The following CCDC122 variants were observed in gnomAD, a reference collection of about 807,000 sequenced individuals.
The protein encoded by CCDC122 is coiled-coil domain-containing protein 122.
In CCDC122, 38 loss-of-function variants were observed where a neutral mutation model predicts 37.0. That is an observed-to-expected ratio of 1.03 (90% CI 0.79 to 1.35). The LOEUF (loss-of-function observed/expected upper bound fraction) is 1.35. Among genes scored for constraint, CCDC122 ranks in the 40% most tolerant of loss-of-function variants. The probability of loss-of-function intolerance (pLI) is 0.00; values close to 1 mark genes in which losing one functional copy is unlikely to be tolerated. For synonymous variants in CCDC122, 83 were observed against 95.6 expected (o/e 0.87, Z 0.77); for missense variants, 305 against 310.0 (o/e 0.98, Z 0.12).
rs1954352183 is a variant in CCDC122, at chr13:43,868,711, C to A, written c.139G>T (p.Val47Phe). The A allele has an allele frequency of 6.4e-7, 1 of 1,550,612 alleles. No individual in the cohort carries two copies. The highest frequency in any genetic ancestry group is 1.2e-5 in the South Asian group (1 of 81,766). ...GAAGTTACCTTCAAATTGAACAGAACCTTTTTGTTTTTTTCTATCTCTGAT... is the reference window on the plus strand; with the variant it reads ...GAAGTTACCTTCAAATTGAACAGAAACTTTTTGTTTTTTTCTATCTCTGAT... Reference protein sequence around the residue: ...QASEIEKNKKVLFNLKNELHE... With the variant: ...QASEIEKNKKFLFNLKNELHE... The change falls in exon 4 of 7, where the codon GTT becomes TTT. Residue 47 changes from valine (V) to phenylalanine (F), a missense_variant. Transcript: ENST00000444614.
intron 6 of CCDC122, among the ~76,000 whole-genome samples, chr13:43,843,820 T>C (rs986701482): frequency 1.4e-4 from 6 of 43,756 alleles, no homozygotes; most frequent in Non-Finnish European, 2.4e-4. Context: ...TCTTGTGTTA[T>C]AGTATTTTTT....
intron 1 of CCDC122, chr13:43,878,055 CTCTCT>C (rs1264530855): frequency 6.6e-6 from 1 of 152,128 alleles, no homozygotes; most frequent in Admixed American, 6.5e-5. Context: ...ATATAACAAA[CTCTCT>C]TCCCTGACAA....
At chr13:43,864,884 CT>C (rs1328208076) in intron 4 of CCDC122, among the ~76,000 whole-genome samples, 1 of 152,154 alleles carries the variant, frequency 6.6e-6, no homozygotes, top group African/African-American at 2.4e-5. Context: ...AAGACTGAAA[CT>C]TTTAGCCCCA....
At chr13:43,861,221 A>C (rs1175580556) in intron 4 of CCDC122, among the ~76,000 whole-genome samples, 1 of 152,206 alleles carries the variant, frequency 6.6e-6, no homozygotes, top group Non-Finnish European at 1.5e-5. Flanking sequence ...TGATAATAAT[A>C]GATGCAGAAG....
In CCDC122 at chr13:43,863,760, A is replaced by G. The variant is rs1954188642; in HGVS notation, c.157-3690T>C. Among the ~76,000 whole-genome samples, 6 of 151,814 alleles carry G rather than the reference A, an allele frequency of 4.0e-5. No homozygotes were observed. In the South Asian group the frequency reaches 1.0e-3, roughly 26 times the overall value. ...AAGTATACTGTTAGATGTGTTTTCAAATATTCTCTCCTAGTCTGTGACAAC... is the reference window on the plus strand; with the variant it reads ...AAGTATACTGTTAGATGTGTTTTCAGATATTCTCTCCTAGTCTGTGACAAC... On this transcript the variant is annotated intron_variant, in intron 4 of 6. Transcript: ENST00000444614.
At chr13:43,825,091 T>G (rs1216159300) in intron 3 of CCDC122, among the ~76,000 whole-genome samples, 1 of 152,224 alleles carries the variant, frequency 6.6e-6, no homozygotes, top group Non-Finnish European at 1.5e-5. Context: ...AAAAGACCCT[T>G]GCACGGGTAT....
At chr13:43,846,363 T>C (rs533821124) in intron 6 of CCDC122, among the ~76,000 whole-genome samples, 6 of 152,342 alleles carry the variant, frequency 3.9e-5, no homozygotes, top group Middle Eastern at 3.4e-3. Context: ...CATGAGCCAC[T>C]GCGCCCGGCC....
intron 4 of CCDC122, among the ~76,000 whole-genome samples, chr13:43,866,956 G>A (rs574295892): frequency 6.6e-6 from 1 of 152,158 alleles, no homozygotes; most frequent in South Asian, 2.1e-4. Flanking sequence ...TGAACTACCA[G>A]TACCATCCTG....
At chr13:43,833,462 T>C (rs1313621017), downstream of CCDC122, among the ~76,000 whole-genome samples, 1 of 152,212 alleles carries the variant, frequency 6.6e-6, no homozygotes. Flanking sequence ...GACATTTTGC[T>C]GAGCCATTAA....
intron 3 of CCDC122, 87 bp downstream of exon 3, chr13:43,869,244 A>G: frequency 1.0e-6 from 1 of 968,556 alleles, no homozygotes; most frequent in East Asian, 2.4e-5. Context: ...CTAATTTGCT[A>G]TCAATTTTAA....
At chr13:43,858,027 T>C (rs1167268830) in intron 6 of CCDC122, 1 of 152,258 alleles carries the variant, frequency 6.6e-6, no homozygotes, top group African/African-American at 2.4e-5. Flanking sequence ...AATCGTTATT[T>C]AGATTCCTAG....
In CCDC122 at chr13:43,876,451, C is replaced by T. The variant is rs555170020; in HGVS notation, c.-199-1524G>A. Among the ~76,000 whole-genome samples, 5 of 152,322 alleles carry T rather than the reference C, an allele frequency of 3.3e-5. No homozygotes were observed. The East Asian group carries it at 9.6e-4, about 29-fold the overall frequency. On this transcript the variant is annotated intron_variant, in intron 1 of 6. Coordinates refer to ENST00000444614, the MANE Select transcript of CCDC122 (RefSeq NM_144974.5). ...ATCTCTGCCCTCAAAACACTCTAGG[C>T]AGAAAGACACACAGTCAATTAAAAT...
chr13:43,848,561 C>T (rs1953622386), intron 6 of CCDC122: 1 of 154,316 alleles, frequency 6.5e-6, no homozygotes, highest in South Asian at 2.0e-4. Flanking sequence ...TCCACTCTAT[C>T]TTTAGTTCCT....
chr13:43,844,020 G>A (rs533277731), intron 6 of CCDC122, among the ~76,000 whole-genome samples: 120 of 150,760 alleles, frequency 8.0e-4, no homozygotes, highest in Middle Eastern at 3.4e-3. Flanking sequence ...TTGTTTTCTC[G>A]TTTTTCTGTT....
intron 2 of CCDC122, 138 bp from the exon 3 acceptor site, chr13:43,869,627 T>C (rs1370764723): frequency 2.0e-5 from 9 of 454,818 alleles, no homozygotes; most frequent in Non-Finnish European, 3.1e-5. Context: ...TTCTCCTGCT[T>C]TTCTGCTGTG....
chr13:43,856,057 G>A (rs1436391298), intron 6 of CCDC122: 3 of 152,132 alleles, frequency 2.0e-5, no homozygotes, highest in Non-Finnish European at 4.4e-5. Context: ...TCCTTTGCAG[G>A]AACATGAATG....
chr13:43,877,379 G>A lies in CCDC122; in HGVS notation c.-200+2252C>T, dbSNP rs1463452577. ...ATTTGTTATATTTTTTCATGATTCT[G>A]TGGTTTAACTGACCTTTTTTCTTAT... On this transcript the variant is annotated intron_variant, in intron 1 of 6. Coordinates refer to ENST00000444614, the MANE Select transcript of CCDC122 (RefSeq NM_144974.5). Among the ~76,000 whole-genome samples, 3 of 152,142 alleles carry A rather than the reference G, an allele frequency of 2.0e-5. No homozygotes were observed. The East Asian group carries it at 5.8e-4, about 29-fold the overall frequency.
At chr13:43,857,897 C>T (rs932860974) in intron 6 of CCDC122, among the ~76,000 whole-genome samples, 16 of 152,040 alleles carry the variant, frequency 1.1e-4, no homozygotes, top group South Asian at 2.1e-4. Context: ...AGCAAGACTC[C>T]GTCTCAAAAA....
At chr13:43,862,770 A>G (rs1189994633) in intron 4 of CCDC122, among the ~76,000 whole-genome samples, 4 of 152,324 alleles carry the variant, frequency 2.6e-5, no homozygotes, top group Admixed American at 1.3e-4. Context: ...TATCAACTCT[A>G]TTGGTCAATA....
Sources: gnomAD v4.1 joint callset for allele counts (sites outside exome capture counted in the v4.1 genomes callset) on GRCh38, gnomAD v4.1.1 for gene constraint, MANE v1.5 for transcripts, NCBI Gene and HGNC (gene_info 2026-07-23, HGNC 2026-07-21) for gene names.